BASP1: variants seen among roughly 807,000 people sequenced by gnomAD.
BASP1 encodes brain abundant membrane attached signal protein 1, also known as brain acid soluble protein 1.
Under a neutral mutation model 2.2 loss-of-function variants are expected in BASP1, and 1 was observed. That is an observed-to-expected ratio of 0.46 (90% CI 0.16 to 2.17). BASP1 has a LOEUF of 2.17. Ranked by LOEUF, BASP1 falls within the 30% of genes most tolerant of loss-of-function variation. BASP1 has a pLI of 0.27. For missense variants in BASP1, 352 were observed against 327.2 expected, an observed-to-expected ratio of 1.08 and a Z score of -0.58; for synonymous variants, 187 against 154.2, an observed-to-expected ratio of 1.21 and a Z score of -1.58.
intron 1 of BASP1, among the ~76,000 whole-genome samples, chr5:17,254,013 T>A (rs1342159024): frequency 6.6e-6 from 1 of 152,160 alleles, no homozygotes; most frequent in Non-Finnish European, 1.5e-5. Flanking sequence ...AGCTTTAGGA[T>A]GTGTTCAGAT....
intron 1 of BASP1, among the ~76,000 whole-genome samples, chr5:17,268,082 C>T (rs542858250): frequency 2.5e-4 from 38 of 151,874 alleles, no homozygotes; most frequent in African/African-American, 9.2e-4. Context: ...ATTTTTCCCC[C>T]TAGAAAGAGA....
intron 1 of BASP1, among the ~76,000 whole-genome samples, chr5:17,245,137 A>T (rs1739951394): frequency 6.6e-6 from 1 of 151,534 alleles, no homozygotes; most frequent in African/African-American, 2.4e-5. Flanking sequence ...CCCCGTCTCT[A>T]CTAAAAATAC....
At position 17,251,664 on chromosome 5, in the gene BASP1, A is replaced by C. The variant is rs146335608; in HGVS notation, c.-9-23544A>C. Among the ~76,000 whole-genome samples the C allele has an allele frequency of 2.0e-5, 3 of 151,860 alleles. No individual in the cohort carries two copies. Among genetic ancestry groups the C allele is most frequent in the African/African-American group, 7.3e-5 (3 of 41,176 alleles). On this transcript the variant is annotated intron_variant, in intron 1 of 1. Transcript: ENST00000322611. This position sits in a 1 kb window ranked among gnomAD's most constrained non-coding sequence, Gnocchi z 4.0. Reference sequence around the variant, plus strand: ...GGAGTTATGAACATATTTTAGTGGAACATATTTAGTGGAACATAAGCATTG... The same window carrying C: ...GGAGTTATGAACATATTTTAGTGGACCATATTTAGTGGAACATAAGCATTG...
chr5:17,268,305 G>A (rs922847436), intron 1 of BASP1, among the ~76,000 whole-genome samples: 2 of 152,038 alleles, frequency 1.3e-5, no homozygotes, highest in Non-Finnish European at 2.9e-5. Flanking sequence ...TTCTTATACG[G>A]CATTTTGCTA....
chr5:17,224,464 AG>A lies in BASP1; in HGVS notation c.-10+6658del, dbSNP rs201694106. ...TATGGACTCTTCAGGGGGGGAAAAA[AG>A]GGGAAGGGGGGCTCTTGAATAAAAT... On this transcript the variant is annotated intron_variant, in intron 1 of 1. Transcript: ENST00000322611. Among the ~76,000 whole-genome samples the A allele has an allele frequency of 8.0e-3, 1,069 of 134,380 alleles. 10 individuals carry two copies. Among genetic ancestry groups the A allele is most frequent in the Non-Finnish European group, 0.012 (784 of 62,878 alleles). The allele number at this position is 134,380 out of a possible 152,430, so 88.2% of individuals were successfully genotyped here. A position where few individuals can be genotyped will look rare whatever the true frequency, so the allele number is the denominator to read the frequency against.
intron 1 of BASP1, among the ~76,000 whole-genome samples, chr5:17,264,598 T>C (rs1176987574): frequency 2.0e-5 from 3 of 152,224 alleles, no homozygotes; most frequent in Non-Finnish European, 4.4e-5. Flanking sequence ...TGTAAGCAGA[T>C]ATATTTTTTT....
chr5:17,262,192 C>T lies in BASP1; in HGVS notation c.-9-13016C>T, dbSNP rs189239398. 1.9e-3 allele frequency among the ~76,000 whole-genome samples: 297 copies of T among 152,326 alleles called. 1 individual carries two copies. The highest frequency in any genetic ancestry group is 6.8e-3 in the African/African-American group (282 of 41,566). On this transcript the variant is annotated intron_variant, in intron 1 of 1. Coordinates refer to ENST00000322611, the MANE Select transcript of BASP1 (RefSeq NM_006317.5). ...GATTTAGAGTCCATCTTTTCTCACT[C>T]CAAGTATCTGAGAGTCCTCTCCTTC...
rs1740649615 is a variant in BASP1, at chr5:17,275,960, TC to T, written c.*61del. 69 of 1,401,906 alleles carry T rather than the reference TC, an allele frequency of 4.9e-5. No individual in the cohort carries two copies. Among genetic ancestry groups the T allele is most frequent in the Non-Finnish European group, 6.5e-5 (68 of 1,052,458 alleles). 86.8% of individuals were successfully genotyped at this position (1,401,906 alleles called of 1,614,324 possible). On this transcript the variant is annotated 3_prime_UTR_variant, in exon 2 of 2. Transcript: ENST00000322611. This position sits in a 1 kb window ranked among gnomAD's most constrained non-coding sequence, Gnocchi z 5.3. ...AAACAATCTCCTCTCTCTCTCTCTC[TC>T]TCTCTCTCTATCTCTCTCTCTATCT...
chr5:17,276,070 C>T lies in BASP1; in HGVS notation c.*170C>T. Reference sequence around the variant, plus strand: ...AAATTGGAAGTAATGATATGTATTGCCCAAGGAAAAATACAGGATGTTGTC... The same window carrying T: ...AAATTGGAAGTAATGATATGTATTGTCCAAGGAAAAATACAGGATGTTGTC... On this transcript the variant is annotated 3_prime_UTR_variant, in exon 2 of 2. Coordinates refer to ENST00000322611, the MANE Select transcript of BASP1 (RefSeq NM_006317.5). 2.0e-6 allele frequency: 1 copy of T among 506,340 alleles called. No homozygotes were observed. The highest frequency in any genetic ancestry group is 3.6e-5 in the East Asian group (1 of 27,754). The allele number at this position is 506,340 out of a possible 1,614,324, so 31.4% of individuals were successfully genotyped here.
chr5:17,249,197 G>C (rs537903505), intron 1 of BASP1, among the ~76,000 whole-genome samples: 50 of 152,254 alleles, frequency 3.3e-4, no homozygotes, highest in Middle Eastern at 3.4e-3. Context: ...AACCGTCCCT[G>C]TTGTTGGCCT....
chr5:17,268,168 A>C (rs762263845), intron 1 of BASP1, among the ~76,000 whole-genome samples: 2 of 152,202 alleles, frequency 1.3e-5, no homozygotes, highest in Non-Finnish European at 2.9e-5. Flanking sequence ...TGAGTCTCAT[A>C]GCACTTTGTT....
chr5:17,248,022 T>C (rs1321876382), intron 1 of BASP1, among the ~76,000 whole-genome samples: 1 of 152,182 alleles, frequency 6.6e-6, no homozygotes, highest in African/African-American at 2.4e-5. Flanking sequence ...CCTCTCTGTC[T>C]TGTTCTCAGT....
chr5:17,253,928 GT>G (rs373954575), intron 1 of BASP1, among the ~76,000 whole-genome samples: 2 of 150,978 alleles, frequency 1.3e-5, no homozygotes, highest in Non-Finnish European at 3.0e-5. Flanking sequence ...TGTATCTAGT[GT>G]TTTTTTTTGT....
chr5:17,256,531 A>T (rs1051259792), intron 1 of BASP1, among the ~76,000 whole-genome samples: 1 of 152,244 alleles, frequency 6.6e-6, no homozygotes, highest in Non-Finnish European at 1.5e-5. Context: ...CGTTTGTGCA[A>T]AAACTAAAAA....
At chr5:17,249,441 T>G (rs1221024472) in intron 1 of BASP1, among the ~76,000 whole-genome samples, 4 of 152,162 alleles carry the variant, frequency 2.6e-5, no homozygotes, top group African/African-American at 9.7e-5. Flanking sequence ...TAGATGGGTA[T>G]GATTAACTGG....
intron 1 of BASP1, among the ~76,000 whole-genome samples, chr5:17,253,370 C>T (rs1740138009): frequency 6.6e-6 from 1 of 152,072 alleles, no homozygotes; most frequent in Admixed American, 6.6e-5. Flanking sequence ...GCCACCATGC[C>T]CAGCTAATTC....
At chr5:17,257,674 C>T (rs1376974493) in intron 1 of BASP1, among the ~76,000 whole-genome samples, 2 of 152,148 alleles carry the variant, frequency 1.3e-5, no homozygotes, top group Non-Finnish European at 2.9e-5. Flanking sequence ...TGCCTATGTG[C>T]TTTTTTTCAC....
chr5:17,221,935 A>G (rs1435025100), intron 1 of BASP1, among the ~76,000 whole-genome samples: 1 of 152,142 alleles, frequency 6.6e-6, no homozygotes, highest in Non-Finnish European at 1.5e-5. Flanking sequence ...TATGATATCT[A>G]AAAATGACTT....
In BASP1 at chr5:17,236,841, A is replaced by C. The variant is rs999081832; in HGVS notation, c.-10+19031A>C. Among the ~76,000 whole-genome samples, 1 of 152,208 alleles carries C rather than the reference A, an allele frequency of 6.6e-6. No individual in the cohort carries two copies. The highest frequency in any genetic ancestry group is 1.5e-5 in the Non-Finnish European group (1 of 68,032). ...AAATGTTTTTAGTACTTTTCTTGGT[A>C]TCTTCTAATCTTCAGAAAAAAATTC... is the stretch of plus-strand genomic sequence containing the variant. On this transcript the variant is annotated intron_variant, in intron 1 of 1. Coordinates refer to ENST00000322611, the MANE Select transcript of BASP1 (RefSeq NM_006317.5). The surrounding 1 kb of genome is among the most constrained non-coding windows in gnomAD (Gnocchi z 4.0).
Sources: allele counts gnomAD v4.1 joint callset (sites outside exome capture counted in the v4.1 genomes callset), GRCh38; gene constraint gnomAD v4.1.1; non-coding constraint Gnocchi (gnomAD v3.1); transcripts MANE v1.5; gene names NCBI Gene and HGNC (gene_info 2026-07-23, HGNC 2026-07-21).